Variants in ZNF236 observed in about 807,000 individuals in gnomAD.
ZNF236 encodes regulated by glucose.
A neutral mutation model predicts 191.2 loss-of-function variants in ZNF236; 50 were observed. The observed-to-expected ratio is 0.26, with a 90% CI of 0.21 to 0.33. The LOEUF (loss-of-function observed/expected upper bound fraction) is 0.33. Ranked by LOEUF, ZNF236 falls within the 10% of genes least tolerant of loss-of-function variation. The probability of loss-of-function intolerance (pLI) is 1.00; values close to 1 mark genes in which losing one functional copy is unlikely to be tolerated. For missense variants in ZNF236, 1,754 were observed against 2,374.5 expected (o/e 0.74, Z 5.43); for synonymous variants, 907 against 928.8 (o/e 0.98, Z 0.43).
At chr18:76,949,623 A>T (rs1288148390) in intron 27 of ZNF236, among the ~76,000 whole-genome samples, 1 of 151,844 alleles carries the variant, frequency 6.6e-6, no homozygotes, top group Non-Finnish European at 1.5e-5. Flanking sequence ...TGATGTTTAT[A>T]CTATACTGTA....
chr18:76,871,637 AT>A (rs1976586530), intron 4 of ZNF236, 63 bp from the exon 5 acceptor site: 2 of 1,585,718 alleles, frequency 1.3e-6, no homozygotes, highest in African/African-American at 2.7e-5. Flanking sequence ...TAGGATTTTC[AT>A]TTTGAAATTA....
At chr18:76,855,113 G>A (rs138879713) in intron 3 of ZNF236, among the ~76,000 whole-genome samples, 2,404 of 152,122 alleles carry the variant, frequency 0.016, 29 homozygotes, top group Middle Eastern at 0.02. Context: ...TAGTAGAGAC[G>A]GGGTTTCGCC....
Position 76,956,817 on chromosome 18 carries a change from TC to T in ZNF236, c.5112+637del, listed in dbSNP as rs1968536105. Among the ~76,000 whole-genome samples, 2 of 152,046 alleles carry T rather than the reference TC, an allele frequency of 1.3e-5. 1 individual carries two copies. Among genetic ancestry groups the T allele is most frequent in the South Asian group, 4.2e-4 (2 of 4,818 alleles). ...TGATATCCAGCCCAGGGCGCCGTCT[TC>T]CGTGTGAAGGGAATGGGGTGTGGAA... On this transcript the variant is annotated intron_variant, in intron 28 of 30. Coordinates refer to ENST00000320610, the MANE Select transcript of ZNF236 (RefSeq NM_001306089.2).
At chr18:76,871,579 A>G (rs1976585509) in intron 4 of ZNF236, 122 bp from the exon 5 acceptor site, 2 of 1,048,796 alleles carry the variant, frequency 1.9e-6, no homozygotes. Context: ...TATGTGATTG[A>G]TTTATCATTA....
intron 26 of ZNF236, among the ~76,000 whole-genome samples, chr18:76,944,156 C>G (rs1275475192): frequency 6.6e-6 from 1 of 152,202 alleles, no homozygotes; most frequent in Non-Finnish European, 1.5e-5. Flanking sequence ...CTGTGCTGTT[C>G]ATTACCCACC....
intron 7 of ZNF236, among the ~76,000 whole-genome samples, chr18:76,879,235 T>C (rs1976803218): frequency 6.6e-6 from 1 of 152,164 alleles, no homozygotes; most frequent in Non-Finnish European, 1.5e-5. Flanking sequence ...AGAAATGTAA[T>C]TATAGGGATT....
chr18:76,883,113 G>A lies in ZNF236; in HGVS notation c.1417+1601G>A, dbSNP rs148157766. On this transcript the variant is annotated intron_variant, in intron 9 of 30. Transcript: ENST00000320610. Reference sequence around the variant, plus strand: ...TGCTGCTCCTTCCAGACCTTCACCCGCATGTGCTGGTGAAGCAGCTTTCTC... The same window carrying A: ...TGCTGCTCCTTCCAGACCTTCACCCACATGTGCTGGTGAAGCAGCTTTCTC... Among the ~76,000 whole-genome samples, 1,445 of 152,094 alleles carry A rather than the reference G, an allele frequency of 9.5e-3. 21 individuals carry two copies. Among genetic ancestry groups the A allele is most frequent in the African/African-American group, 0.033 (1,356 of 41,528 alleles).
intron 26 of ZNF236, among the ~76,000 whole-genome samples, chr18:76,942,035 G>A (rs976278569): frequency 2.6e-5 from 4 of 152,150 alleles, no homozygotes; most frequent in African/African-American, 9.7e-5. Context: ...CAAGAAAATG[G>A]CTGTAAATAT....
At chr18:76,931,694 A>G (rs973768994) in intron 25 of ZNF236, among the ~76,000 whole-genome samples, 2 of 152,236 alleles carry the variant, frequency 1.3e-5, no homozygotes, top group Admixed American at 1.3e-4. Flanking sequence ...TGAAAAATAA[A>G]CATATTAATA....
chr18:76,825,171 C>T (rs1051294303), intron 1 of ZNF236, among the ~76,000 whole-genome samples: 8 of 152,200 alleles, frequency 5.3e-5, no homozygotes, highest in African/African-American at 1.9e-4. Flanking sequence ...GCACTTTTTG[C>T]TAGTCTTGTG....
chr18:76,893,888 T>C (rs1260411017), intron 9 of ZNF236, among the ~76,000 whole-genome samples: 1 of 152,256 alleles, frequency 6.6e-6, no homozygotes, highest in East Asian at 1.9e-4. Context: ...TTTACAGATT[T>C]ACTTGCATAT....
At position 76,822,558 on chromosome 18, in the gene ZNF236, A is replaced by AGTGTGAGTGTGAGTGTGAGTGG. The variant is rs1211633389; in HGVS notation, c.-44_-23dup. On this transcript the variant is annotated 5_prime_UTR_variant, in exon 1 of 31. Coordinates refer to ENST00000320610, the MANE Select transcript of ZNF236 (RefSeq NM_001306089.2). ...GTGCGCGCCCCCGCCGCCGCGTGTG[A>AGTGTGAGTGTGAGTGTGAGTGG]GTGTGAGTGTGAGTGTGAGTGGGTG... is the stretch of plus-strand genomic sequence containing the variant. 2 of 145,816 alleles carry AGTGTGAGTGTGAGTGTGAGTGG rather than the reference A, an allele frequency of 1.4e-5. No homozygotes were observed. The highest frequency in any genetic ancestry group is 5.0e-5 in the African/African-American group (2 of 39,606). 9.0% of individuals were successfully genotyped at this position (145,816 alleles called of 1,614,324 possible). A position where few individuals can be genotyped will look rare whatever the true frequency, so the allele number is the denominator to read the frequency against.
In ZNF236 at chr18:76,854,584, C is replaced by CAA. The variant is rs11381479; in HGVS notation, c.363+2656_363+2657dup. On this transcript the variant is annotated intron_variant, in intron 3 of 30. Transcript: ENST00000320610. ...GCCTGGGCAACATAGACTGTCACTA[C>CAA]AAAAAAAAAAAAGTCTTTGGCATCT... 2.6e-3 allele frequency among the ~76,000 whole-genome samples: 373 copies of CAA among 143,608 alleles called. 2 individuals are homozygous for CAA. Among genetic ancestry groups the CAA allele is most frequent in the Non-Finnish European group, 4.2e-3 (272 of 65,196 alleles). The allele number at this position is 143,608 out of a possible 152,430, so 94.2% of individuals were successfully genotyped here. A position where few individuals can be genotyped will look rare whatever the true frequency, so the allele number is the denominator to read the frequency against.
chr18:76,903,303 A>G (rs1322641333), intron 11 of ZNF236, among the ~76,000 whole-genome samples: 2 of 152,174 alleles, frequency 1.3e-5, no homozygotes, highest in Non-Finnish European at 2.9e-5. Context: ...AGGACTGGCA[A>G]ATGCCGAGTA....
At chr18:76,965,598 C>T (rs987012907) in intron 30 of ZNF236, among the ~76,000 whole-genome samples, 10 of 152,218 alleles carry the variant, frequency 6.6e-5, no homozygotes, top group Non-Finnish European at 1.3e-4. Flanking sequence ...TAGTACTCCC[C>T]GCCTTTTCCT....
intron 3 of ZNF236, among the ~76,000 whole-genome samples, chr18:76,858,459 A>G (rs1219388967): frequency 1.3e-5 from 2 of 152,174 alleles, no homozygotes; most frequent in Non-Finnish European, 2.9e-5. Context: ...AAACAAAGAC[A>G]CTTTTCTTCA....
chr18:76,910,654 T>C lies in ZNF236; in HGVS notation c.2654-6T>C. ...TGTAGAACTCCTCTTTTCTAATTTA[T>C]TTTAGGTTTTACAGTGACTGATACG... On this transcript the variant is annotated splice_region_variant and splice_polypyrimidine_tract_variant and intron_variant, in intron 15 of 30. Coordinates refer to ENST00000320610, the MANE Select transcript of ZNF236 (RefSeq NM_001306089.2). 1 of 1,610,552 alleles carries C rather than the reference T, an allele frequency of 6.2e-7. No homozygotes were observed. The highest frequency in any genetic ancestry group is 8.5e-7 in the Non-Finnish European group (1 of 1,178,414).
intron 27 of ZNF236, among the ~76,000 whole-genome samples, chr18:76,948,966 TC>T (rs1968340081): frequency 6.6e-6 from 1 of 152,210 alleles, no homozygotes. Flanking sequence ...AGCAGGATGT[TC>T]CAGGGGCTTA....
chr18:76,916,109 A>T (rs969635322), intron 19 of ZNF236, among the ~76,000 whole-genome samples: 1 of 152,180 alleles, frequency 6.6e-6, no homozygotes, highest in African/African-American at 2.4e-5. Flanking sequence ...TCACTCTCAC[A>T]CTGTGTTCTT....
Sources: gnomAD v4.1 joint callset for allele counts (sites outside exome capture counted in the v4.1 genomes callset) on GRCh38, gnomAD v4.1.1 for gene constraint, MANE v1.5 for transcripts, NCBI Gene and HGNC (gene_info 2026-07-23, HGNC 2026-07-21) for gene names.